Variants in PRL observed in about 807,000 individuals in gnomAD.
The protein encoded by PRL is decidual prolactin.
Under a neutral mutation model 21.3 loss-of-function variants are expected in PRL, and 24 were observed. The observed-to-expected ratio is 1.13, with a 90% CI of 0.82 to 1.59. The LOEUF (loss-of-function observed/expected upper bound fraction) is 1.59. PRL is among the 40% of genes most tolerant of loss of function. PRL has a pLI of 0.00. For synonymous variants in PRL, 118 were observed against 115.7 expected, an observed-to-expected ratio of 1.02 and a Z score of -0.13; for missense variants, 243 against 286.9, an observed-to-expected ratio of 0.85 and a Z score of 1.10.
Position 22,287,276 on chromosome 6 carries a change from T to G in PRL, c.*126A>C. On this transcript the variant is annotated 3_prime_UTR_variant, in exon 5 of 5. Coordinates refer to ENST00000306482, the MANE Select transcript of PRL (RefSeq NM_000948.6). ...GATTTTGATGTCTCTAAGGAGTCAG[T>G]TTTTATTTTTTAAGAGGAGACCTGT... 1.0e-6 allele frequency: 1 copy of G among 964,672 alleles called. No homozygotes were observed. The highest frequency in any genetic ancestry group is 1.5e-6 in the Non-Finnish European group (1 of 688,360). The allele number at this position is 964,672 out of a possible 1,614,324, so 59.8% of individuals were successfully genotyped here.
intron 1 of PRL, 93 bp downstream of exon 1, chr6:22,296,862 A>T: frequency 1.4e-6 from 2 of 1,381,072 alleles, no homozygotes; most frequent in Non-Finnish European, 2.0e-6. Context: ...AACCTTGTAA[A>T]CCTGCAAGCT....
upstream of PRL, among the ~76,000 whole-genome samples, chr6:22,302,141 A>G (rs1761291757): frequency 6.6e-6 from 1 of 152,232 alleles, no homozygotes; most frequent in African/African-American, 2.4e-5. Context: ...CTGAGAATCA[A>G]TAGATATAGT....
intron 1 of PRL, among the ~76,000 whole-genome samples, chr6:22,295,702 T>C (rs1761160411): frequency 6.6e-6 from 1 of 152,224 alleles, no homozygotes; most frequent in Admixed American, 6.5e-5. Context: ...AAACGATAGA[T>C]AGCTACCAAA....
intron 3 of PRL, 131 bp from the exon 4 acceptor site, chr6:22,290,484 T>C (rs1761029591): frequency 1.5e-6 from 1 of 683,122 alleles, no homozygotes; most frequent in Non-Finnish European, 2.1e-6. Context: ...CATTTTTCTT[T>C]AGGTGAGAGA....
At chr6:22,300,372 T>C (rs577232988), upstream of PRL, among the ~76,000 whole-genome samples, 4 of 152,342 alleles carry the variant, frequency 2.6e-5, no homozygotes, top group African/African-American at 9.6e-5. Flanking sequence ...TTGGCCAATC[T>C]TAGCAGCTGA....
intron 3 of PRL, 36 bp downstream of exon 3, chr6:22,292,502 G>C (rs757196580): frequency 1.9e-6 from 3 of 1,575,306 alleles, no homozygotes; most frequent in Admixed American, 3.3e-5. Context: ...ATACTGCCTT[G>C]GTTGTTTTGG....
chr6:22,290,035 CT>C, intron 4 of PRL, 138 bp downstream of exon 4: 1 of 741,690 alleles, frequency 1.3e-6, no homozygotes, highest in Non-Finnish European at 1.9e-6. Context: ...CTATGAATGA[CT>C]AGGCTCTTGC....
chr6:22,288,533 TA>T lies in PRL; in HGVS notation c.493-941del, dbSNP rs34201912. ...ATAGGTGACACAGTGAGAACTTGTC[TA>T]AAAAAAAAAAGGTCAGGGGGTTGCT... is the stretch of plus-strand genomic sequence containing the variant. On this transcript the variant is annotated intron_variant, in intron 4 of 4. Transcript: ENST00000306482. This position sits in a 1 kb window ranked among gnomAD's most constrained non-coding sequence, Gnocchi z 4.5. 3.6e-4 allele frequency among the ~76,000 whole-genome samples: 51 copies of T among 142,096 alleles called. No homozygotes were observed. The highest frequency in any genetic ancestry group is 9.0e-4 in the South Asian group (4 of 4,430). The allele number at this position is 142,096 out of a possible 152,430, so 93.2% of individuals were successfully genotyped here. A position where few individuals can be genotyped will look rare whatever the true frequency, so the allele number is the denominator to read the frequency against.
intron 2 of PRL, among the ~76,000 whole-genome samples, chr6:22,293,474 ACTAAT>A (rs900550291): frequency 6.6e-6 from 1 of 152,164 alleles, no homozygotes; most frequent in African/African-American, 2.4e-5. Context: ...TTATTAAAGC[ACTAAT>A]CTATTGTCTG....
chr6:22,290,056 T>C (rs1222189088), intron 4 of PRL, 118 bp downstream of exon 4: 2 of 925,318 alleles, frequency 2.2e-6, no homozygotes, highest in East Asian at 2.7e-5. Context: ...CTTTATTTAA[T>C]AGCGGTCTAT....
upstream of PRL, among the ~76,000 whole-genome samples, chr6:22,301,506 G>C (rs1761281159): frequency 6.6e-6 from 1 of 152,108 alleles, no homozygotes; most frequent in South Asian, 2.1e-4. Flanking sequence ...GAAAGTCAGG[G>C]AAGTGAGTCT....
At chr6:22,299,227 A>C (rs1177078768), upstream of PRL, among the ~76,000 whole-genome samples, 2 of 152,208 alleles carry the variant, frequency 1.3e-5, no homozygotes, top group African/African-American at 4.8e-5. Context: ...GTACATTTTA[A>C]AACTTTACAA....
At chr6:22,293,769 TGGAAG>T (rs1450106756) in intron 2 of PRL, among the ~76,000 whole-genome samples, 3 of 61,230 alleles carry the variant, frequency 4.9e-5, no homozygotes, top group Non-Finnish European at 9.4e-5. Context: ...GGAAGGGGAA[TGGAAG>T]GGAAGGGAAG....
chr6:22,294,431 G>A lies in PRL; in HGVS notation c.182C>T (p.Ser61Phe). The change falls in exon 2 of 5, where the codon TCC becomes TTC. Residue 61 changes from serine to phenylalanine, a missense_variant. Coordinates refer to ENST00000306482, the MANE Select transcript of PRL (RefSeq NM_000948.6). ...VVLSHYIHNL[S>F]SEMFSEFDKR... ...TACGAATTCGCTGAACATTTCTGAG[G>A]AGAGGTTATGGATGTAGTGGGACAG... 1 of 1,614,152 alleles carries A rather than the reference G, an allele frequency of 6.2e-7. No homozygotes were observed. The highest frequency in any genetic ancestry group is 8.5e-7 in the Non-Finnish European group (1 of 1,180,024).
At chr6:22,297,900 G>A (rs571985767), upstream of PRL, among the ~76,000 whole-genome samples, 1 of 152,190 alleles carries the variant, frequency 6.6e-6, no homozygotes, top group Non-Finnish European at 1.5e-5. Flanking sequence ...TTAAATGAAG[G>A]AACAATTATT....
In PRL at chr6:22,290,363, C is replaced by T; in HGVS notation, c.313-10G>A. ...TCAGAAAGTCTTTTTGCTACGAAAC[C>T]ATATAGAACAATTGCATTAAAATAG... On this transcript the variant is annotated splice_polypyrimidine_tract_variant and intron_variant, in intron 3 of 4. Coordinates refer to ENST00000306482, the MANE Select transcript of PRL (RefSeq NM_000948.6). The T allele has an allele frequency of 6.4e-7, 1 of 1,560,500 alleles. No individual in the cohort carries two copies. Among genetic ancestry groups the T allele is most frequent in the Non-Finnish European group, 8.7e-7 (1 of 1,143,364 alleles).
chr6:22,291,214 G>A (rs1761041959), intron 3 of PRL, among the ~76,000 whole-genome samples: 1 of 152,062 alleles, frequency 6.6e-6, no homozygotes, highest in Non-Finnish European at 1.5e-5. Flanking sequence ...CATGTAAGAG[G>A]ATATGAAAGA....
chr6:22,299,839 A>C (rs1761251010), upstream of PRL, among the ~76,000 whole-genome samples: 1 of 152,126 alleles, frequency 6.6e-6, no homozygotes, highest in African/African-American at 2.4e-5. Context: ...ACTCCATCTC[A>C]AAAAAACAAA....
rs763522294 is a variant in PRL, at chr6:22,290,156, C to T, written c.492+18G>A. The T allele has an allele frequency of 3.9e-6, 6 of 1,534,080 alleles. No homozygotes were observed. The African/African-American group carries it at 8.2e-5, about 21-fold the overall frequency. ...TATATTAATGAGAAAAACAAAGAAG[C>T]ACCAGGAGGCTGCTCACCTGGCTGA... On this transcript the variant is annotated intron_variant, in intron 4 of 4. Transcript: ENST00000306482.
Sources: gnomAD v4.1 joint callset for allele counts (sites outside exome capture counted in the v4.1 genomes callset) on GRCh38, gnomAD v4.1.1 for gene constraint, Gnocchi (gnomAD v3.1) non-coding constraint, MANE v1.5 for transcripts, NCBI Gene and HGNC (gene_info 2026-07-23, HGNC 2026-07-21) for gene names.